Variants in CPPED1 observed in about 807,000 individuals in gnomAD.
CPPED1 encodes serine/threonine-protein phosphatase CPPED1.
A neutral mutation model predicts 28.0 loss-of-function variants in CPPED1; 28 were observed. The observed-to-expected ratio is 1.00, with a 90% CI of 0.74 to 1.37. The LOEUF (loss-of-function observed/expected upper bound fraction) is 1.37. CPPED1 is among the 40% of genes most tolerant of loss of function. The probability of loss-of-function intolerance (pLI) is 0.00; values close to 1 mark genes in which losing one functional copy is unlikely to be tolerated. For missense variants in CPPED1, 504 were observed against 416.5 expected (o/e 1.21, Z -1.83); for synonymous variants, 198 against 180.2 (o/e 1.10, Z -0.79).
At chr16:12,777,398 C>T (rs1334421797) in intron 2 of CPPED1, among the ~76,000 whole-genome samples, 5 of 152,162 alleles carry the variant, frequency 3.3e-5, no homozygotes, top group African/African-American at 1.2e-4. Flanking sequence ...GGGGACAAAA[C>T]CAGTGGGTCG....
chr16:12,664,810 G>A lies in CPPED1; in HGVS notation c.*76C>T. ...GGGCTATTTTTATATTTCAGCAAGA[G>A]GTTGTGTGCAGCTGCTGTTTCTGGC... On this transcript the variant is annotated 3_prime_UTR_variant, in exon 4 of 4. Transcript: ENST00000381774. The surrounding 1 kb of genome is among the most constrained non-coding windows in gnomAD (Gnocchi z 4.2). 1 of 1,587,860 alleles carries A rather than the reference G, an allele frequency of 6.3e-7. No individual in the cohort carries two copies. Among genetic ancestry groups the A allele is most frequent in the Non-Finnish European group, 8.5e-7 (1 of 1,172,000 alleles).
rs200926687 is a variant in CPPED1 at position 12,665,074 on chromosome 16, C to T, written c.757G>A (p.Gly253Arg). ...VFSGHYHRNA[G>R]GTYQNLDMVV... Reference sequence around the variant, plus strand: ...ATGTCGAGGTTCTGGTAGGTACCCCCGGCATTCCTGTGGTAGTGGCCTGAG... The same window carrying T: ...ATGTCGAGGTTCTGGTAGGTACCCCTGGCATTCCTGTGGTAGTGGCCTGAG... The change falls in exon 4 of 4, where the codon GGG (glycine) becomes AGG (arginine). Residue 253 changes from glycine to arginine, a missense_variant. Physicochemically the swap from Gly to Arg is moderately radical, Grantham distance 125 (BLOSUM62 -2). Coordinates refer to ENST00000381774, the MANE Select transcript of CPPED1 (RefSeq NM_018340.3). 104 of 1,606,002 alleles carry T rather than the reference C, an allele frequency of 6.5e-5. No homozygotes were observed. Among genetic ancestry groups the T allele is most frequent in the Middle Eastern group, 1.7e-4 (1 of 6,036 alleles).
intron 2 of CPPED1, among the ~76,000 whole-genome samples, chr16:12,735,681 A>G (rs539546045): frequency 6.6e-6 from 1 of 152,350 alleles, no homozygotes; most frequent in South Asian, 2.1e-4. Flanking sequence ...ATGAAGATTC[A>G]GTAAGTTCGT....
At chr16:12,735,582 G>C (rs1200134388) in intron 2 of CPPED1, among the ~76,000 whole-genome samples, 1 of 152,160 alleles carries the variant, frequency 6.6e-6, no homozygotes, top group Non-Finnish European at 1.5e-5. Context: ...GGGATTACAG[G>C]CACGAGCCAC....
intron 2 of CPPED1, among the ~76,000 whole-genome samples, chr16:12,738,314 A>G (rs1228272694): frequency 6.6e-6 from 1 of 152,164 alleles, no homozygotes; most frequent in Admixed American, 6.5e-5. Flanking sequence ...TAGGAAGGAA[A>G]TATGCCAACA....
intron 3 of CPPED1, among the ~76,000 whole-genome samples, chr16:12,700,555 T>G (rs2080015047): frequency 6.6e-6 from 1 of 152,144 alleles, no homozygotes; most frequent in South Asian, 2.1e-4. Flanking sequence ...CAGGCCTGGT[T>G]AATTATTGCA....
chr16:12,772,262 T>G (rs1298925029), intron 2 of CPPED1, among the ~76,000 whole-genome samples: 3 of 152,220 alleles, frequency 2.0e-5, no homozygotes, highest in Non-Finnish European at 4.4e-5. Context: ...GCTACCAAAC[T>G]AGATGAATTA....
chr16:12,790,646 C>T lies in CPPED1; in HGVS notation c.71-9243G>A, dbSNP rs185155212. 6.6e-5 allele frequency among the ~76,000 whole-genome samples: 10 copies of T among 152,158 alleles called. No individual in the cohort carries two copies. The East Asian group carries it at 1.4e-3, about 21-fold the overall frequency. ...CATAAGAAAAGTCACATTGGCCGGTCGCGGTGGCTCACGCCTGTAATCCTA... is the reference window on the plus strand; with the variant it reads ...CATAAGAAAAGTCACATTGGCCGGTTGCGGTGGCTCACGCCTGTAATCCTA... On this transcript the variant is annotated intron_variant, in intron 1 of 3. Transcript: ENST00000381774.
chr16:12,694,966 C>T (rs1001289738), intron 3 of CPPED1, among the ~76,000 whole-genome samples: 1 of 152,024 alleles, frequency 6.6e-6, no homozygotes, highest in African/African-American at 2.4e-5. Context: ...TTAGTAGAGA[C>T]AGGGTTTCAC....
At chr16:12,784,451 G>A (rs1193548601) in intron 1 of CPPED1, among the ~76,000 whole-genome samples, 1 of 151,858 alleles carries the variant, frequency 6.6e-6, no homozygotes, top group Non-Finnish European at 1.5e-5. Flanking sequence ...TGAAACTTCA[G>A]GGTAATTTGT....
chr16:12,710,398 A>C (rs2080073901), intron 2 of CPPED1, among the ~76,000 whole-genome samples: 1 of 151,924 alleles, frequency 6.6e-6, no homozygotes, highest in African/African-American at 2.4e-5. Flanking sequence ...GAAATAGGTT[A>C]CAGGTAGAAA....
At chr16:12,758,243 C>T (rs558476483) in intron 2 of CPPED1, among the ~76,000 whole-genome samples, 17 of 152,034 alleles carry the variant, frequency 1.1e-4, no homozygotes, top group Non-Finnish European at 2.1e-4. Flanking sequence ...TCCAAGCAAC[C>T]GAGGAATACA....
intron 2 of CPPED1, among the ~76,000 whole-genome samples, chr16:12,747,709 C>A (rs1158555531): frequency 6.6e-6 from 1 of 152,122 alleles, no homozygotes; most frequent in Non-Finnish European, 1.5e-5. Flanking sequence ...TGAGCCACCG[C>A]GCCCGGCCTT....
chr16:12,679,266 G>C (rs536403771), intron 3 of CPPED1, among the ~76,000 whole-genome samples: 4 of 152,208 alleles, frequency 2.6e-5, no homozygotes, highest in Non-Finnish European at 5.9e-5. Context: ...ATGGTTGGAC[G>C]TGTGTGTAAA....
intron 2 of CPPED1, among the ~76,000 whole-genome samples, chr16:12,732,457 C>T (rs146669323): frequency 4.3e-5 from 6 of 140,128 alleles, no homozygotes; most frequent in African/African-American, 1.6e-4. Context: ...ACACAACACA[C>T]ACACACACAA....
intron 2 of CPPED1, among the ~76,000 whole-genome samples, chr16:12,706,970 G>A (rs2080054855): frequency 6.6e-6 from 1 of 152,174 alleles, no homozygotes; most frequent in African/African-American, 2.4e-5. Context: ...CTCTCTCAGG[G>A]GTGCTGGGGG....
intron 2 of CPPED1, among the ~76,000 whole-genome samples, chr16:12,737,498 T>C (rs1596465521): frequency 6.6e-6 from 1 of 152,290 alleles, no homozygotes; most frequent in East Asian, 1.9e-4. Context: ...CAGGGACCTG[T>C]CTGGATTCTC....
intron 2 of CPPED1, among the ~76,000 whole-genome samples, chr16:12,766,713 G>C (rs531504034): frequency 6.6e-6 from 1 of 152,256 alleles, no homozygotes; most frequent in East Asian, 1.9e-4. Context: ...AGGTTGCAGT[G>C]AGCAGAGATC....
chr16:12,747,543 C>T (rs1048614473), intron 2 of CPPED1, among the ~76,000 whole-genome samples: 1 of 152,000 alleles, frequency 6.6e-6, no homozygotes, highest in Non-Finnish European at 1.5e-5. Context: ...TGGAAAAATA[C>T]ATCACCTGAA....
Sources: gnomAD v4.1 joint callset for allele counts (sites outside exome capture counted in the v4.1 genomes callset) on GRCh38, gnomAD v4.1.1 for gene constraint, Gnocchi (gnomAD v3.1) non-coding constraint, MANE v1.5 for transcripts, NCBI Gene and HGNC (gene_info 2026-07-23, HGNC 2026-07-21) for gene names.